MVB12B: variants seen among roughly 807,000 people sequenced by gnomAD.
MVB12B encodes the protein ESCRT-I complex subunit MVB12B.
Under a neutral mutation model 41.6 loss-of-function variants are expected in MVB12B, and 16 were observed. The observed-to-expected ratio is 0.38, with a 90% CI of 0.26 to 0.58. MVB12B has a LOEUF of 0.58. Ranked by LOEUF, MVB12B falls within the 20% of genes least tolerant of loss-of-function variation. The pLI, the probability that MVB12B is intolerant of heterozygous loss-of-function variation, is 0.62. For missense variants in MVB12B, 274 were observed against 380.2 expected (o/e 0.72, Z 2.32); for synonymous variants, 133 against 139.7 (o/e 0.95, Z 0.34).
At chr9:126,438,926 A>T (rs1832562158) in intron 7 of MVB12B, among the ~76,000 whole-genome samples, 1 of 152,004 alleles carries the variant, frequency 6.6e-6, no homozygotes, top group African/African-American at 2.4e-5. Context: ...CGTGTATGAT[A>T]CTCGATCGCT....
intron 7 of MVB12B, among the ~76,000 whole-genome samples, chr9:126,432,419 C>T (rs1425170836): frequency 2.0e-5 from 3 of 152,120 alleles, no homozygotes; most frequent in African/African-American, 7.2e-5. Context: ...CTTTCTCTAC[C>T]TCTGTCTCTC....
chr9:126,392,909 G>A lies in MVB12B; in HGVS notation c.539+714G>A, dbSNP rs893084656. Among the ~76,000 whole-genome samples, 1 of 152,234 alleles carries A rather than the reference G, an allele frequency of 6.6e-6. No individual in the cohort carries two copies. The highest frequency in any genetic ancestry group is 1.5e-5 in the Non-Finnish European group (1 of 68,036). On this transcript the variant is annotated intron_variant, in intron 5 of 9. Transcript: ENST00000361171. The surrounding 1 kb of genome is among the most constrained non-coding windows in gnomAD (Gnocchi z 4.8). The stretch of plus-strand genomic sequence containing the variant: ...TTGGGACAAGGGCGAGGGTTGGCAG[G>A]ACCTCCTAGGACATGGCCTGGAGTT...
intron 7 of MVB12B, among the ~76,000 whole-genome samples, chr9:126,466,602 A>C (rs1352757549): frequency 8.5e-5 from 13 of 152,138 alleles, no homozygotes; most frequent in Non-Finnish European, 1.9e-4. Flanking sequence ...ACCAAAGAAG[A>C]CTTCCGGCCC....
intron 2 of MVB12B, among the ~76,000 whole-genome samples, chr9:126,350,567 A>C (rs1182870738): frequency 1.3e-5 from 2 of 152,226 alleles, no homozygotes; most frequent in Non-Finnish European, 2.9e-5. Flanking sequence ...CTTGGTGAAG[A>C]TTCAGCAGAG....
intron 9 of MVB12B, among the ~76,000 whole-genome samples, chr9:126,496,479 T>G (rs1195258934): frequency 1.5e-5 from 2 of 133,426 alleles, no homozygotes; most frequent in Non-Finnish European, 3.2e-5. Flanking sequence ...GTTCACTCAT[T>G]CCTGCATTCA....
At chr9:126,501,183 T>C (rs984942809) in intron 9 of MVB12B, among the ~76,000 whole-genome samples, 2 of 151,750 alleles carry the variant, frequency 1.3e-5, no homozygotes, top group African/African-American at 4.8e-5. Flanking sequence ...AGGGCTGGAG[T>C]GAGAGAGCTG....
intron 6 of MVB12B, among the ~76,000 whole-genome samples, chr9:126,421,420 C>G (rs1832014463): frequency 6.6e-6 from 1 of 152,230 alleles, no homozygotes; most frequent in African/African-American, 2.4e-5. Context: ...GTGCAGTGAT[C>G]CTCAGCAGCC....
At chr9:126,479,220 C>T (rs181851173) in intron 7 of MVB12B, among the ~76,000 whole-genome samples, 16 of 152,280 alleles carry the variant, frequency 1.1e-4, no homozygotes, top group South Asian at 6.2e-4. Context: ...CAGCAAGCAC[C>T]GACTTCTCAG....
chr9:126,463,029 C>G (rs946484748), intron 7 of MVB12B, among the ~76,000 whole-genome samples: 1 of 152,246 alleles, frequency 6.6e-6, no homozygotes, highest in African/African-American at 2.4e-5. Flanking sequence ...CATGTCAGTT[C>G]GGCATCAGCT....
intron 6 of MVB12B, chr9:126,397,148 G>A: frequency 2.0e-6 from 2 of 985,524 alleles, no homozygotes; most frequent in Non-Finnish European, 2.4e-6. Context: ...AGCCCCCACA[G>A]GAGCAGTTGC....
At position 126,376,726 on chromosome 9, in the gene MVB12B, C is replaced by G; in HGVS notation, c.205-4338C>G. 1 of 1,246,138 alleles carries G rather than the reference C, an allele frequency of 8.0e-7. No homozygotes were observed. The highest frequency in any genetic ancestry group is 1.0e-6 in the Non-Finnish European group (1 of 963,804). 77.2% of individuals were successfully genotyped at this position (1,246,138 alleles called of 1,614,324 possible). On this transcript the variant is annotated intron_variant, in intron 2 of 9. Coordinates refer to ENST00000361171, the MANE Select transcript of MVB12B (RefSeq NM_033446.3). The surrounding 1 kb of genome is among the most constrained non-coding windows in gnomAD (Gnocchi z 4.1). ...TTTCCACTCTGAAGTTGCACCTCCT[C>G]CCCCACCTCCTCCTGACCTCCAGCC... is the stretch of plus-strand genomic sequence containing the variant.
intron 6 of MVB12B, chr9:126,396,720 C>T (rs946134881): frequency 3.5e-5 from 34 of 985,354 alleles, no homozygotes; most frequent in Admixed American, 6.1e-5. Flanking sequence ...CAATCTGGTC[C>T]TTCTCATGAC....
chr9:126,337,935 CTT>C (rs1268198349), intron 1 of MVB12B, among the ~76,000 whole-genome samples: 1 of 152,160 alleles, frequency 6.6e-6, no homozygotes, highest in Non-Finnish European at 1.5e-5. Context: ...AATAAATGGC[CTT>C]TTGTTAGGAA....
Position 126,386,732 on chromosome 9 carries a change from AT to A in MVB12B, c.409+75del, listed in dbSNP as rs1197620894. 29 of 1,146,404 alleles carry A rather than the reference AT, an allele frequency of 2.5e-5. No homozygotes were observed. The highest frequency in any genetic ancestry group is 3.8e-5 in the Non-Finnish European group (29 of 772,050). The allele number at this position is 1,146,404 out of a possible 1,614,324, so 71.0% of individuals were successfully genotyped here. ...CAGGTATATTTGTAGGTGTTTTTCT[AT>A]GTGCATTTTTCTTCAGAAACACTTT... On this transcript the variant is annotated intron_variant, in intron 4 of 9. Transcript: ENST00000361171. The surrounding 1 kb of genome is among the most constrained non-coding windows in gnomAD (Gnocchi z 4.3).
intron 1 of MVB12B, among the ~76,000 whole-genome samples, chr9:126,332,190 A>T (rs1829149976): frequency 6.6e-6 from 1 of 151,994 alleles, no homozygotes; most frequent in Non-Finnish European, 1.5e-5. Context: ...TCTTTCAGGG[A>T]GGCCAGTTCT....
Position 126,379,913 on chromosome 9 carries a change from C to CT in MVB12B, c.205-1147dup, listed in dbSNP as rs1209013937. Among the ~76,000 whole-genome samples the CT allele has an allele frequency of 3.3e-5, 5 of 152,162 alleles. No homozygotes were observed. In the East Asian group the frequency reaches 9.6e-4, roughly 29 times the overall value. ...TGTGGGATGGGGCTGAATCAGGGCA[C>CT]TTTTGTGTGAAGAATGGAGGCACTT... On this transcript the variant is annotated intron_variant, in intron 2 of 9. Transcript: ENST00000361171.
intron 1 of MVB12B, among the ~76,000 whole-genome samples, chr9:126,334,702 G>T (rs948273541): frequency 6.6e-6 from 1 of 152,190 alleles, no homozygotes; most frequent in Non-Finnish European, 1.5e-5. Context: ...AGCAAAACCT[G>T]ATGGGAGTGG....
In MVB12B at chr9:126,339,999, G is replaced by A. The variant is rs1454128961; in HGVS notation, c.82-509G>A. ...ACTCCAACACCATTCCTTCACCTGA[G>A]CCCAGAACACTTATTTCTGTGTTTG... On this transcript the variant is annotated intron_variant, in intron 1 of 9. Transcript: ENST00000361171. Among the ~76,000 whole-genome samples the A allele has an allele frequency of 2.0e-5, 3 of 152,138 alleles. No individual in the cohort carries two copies. The East Asian group carries it at 5.8e-4, about 29-fold the overall frequency.
chr9:126,481,224 A>G, intron 7 of MVB12B, 145 bp from the exon 8 acceptor site: 1 of 736,514 alleles, frequency 1.4e-6, no homozygotes, highest in Non-Finnish European at 2.3e-6. Flanking sequence ...GTCCTCTTTC[A>G]TAGCTCCAGC....
Sources: allele counts gnomAD v4.1 joint callset (sites outside exome capture counted in the v4.1 genomes callset), GRCh38; gene constraint gnomAD v4.1.1; non-coding constraint Gnocchi (gnomAD v3.1); transcripts MANE v1.5; gene names NCBI Gene and HGNC (gene_info 2026-07-23, HGNC 2026-07-21).